Variants in HAUS5 observed in about 807,000 individuals in gnomAD.
HAUS5 encodes the protein HAUS augmin-like complex subunit 5.
A neutral mutation model predicts 94.1 loss-of-function variants in HAUS5; 67 were observed. That is an observed-to-expected ratio of 0.71 (90% confidence interval 0.58 to 0.87). The LOEUF is 0.87. Among genes scored for constraint, HAUS5 ranks in the 40% least tolerant of loss-of-function variants. HAUS5 has a pLI of 0.00. For synonymous variants in HAUS5, 339 were observed against 355.4 expected (o/e 0.95, Z 0.52); for missense variants, 739 against 825.6 (o/e 0.90, Z 1.29).
rs377713329 is a variant in HAUS5 at position 35,615,278 on chromosome 19, C to A, written c.377C>A (p.Ala126Asp). The change falls in exon 6 of 19, where the codon GCT becomes GAT. Residue 126 changes from alanine to aspartate, a missense_variant. By Grantham distance (126) the Ala-to-Asp change is moderately radical. Transcript: ENST00000203166. ...RQHTQDTQRR[A>D]LLLRAQAGAM... ...CACACTCAAGACACCCAGCGTCGAG[C>A]TCTCCTCCTCCGGGCCCAAGCTGGG... 1.8e-5 allele frequency: 29 copies of A among 1,613,944 alleles called. No homozygotes were observed. Among genetic ancestry groups the A allele is most frequent in the Non-Finnish European group, 2.4e-5 (28 of 1,180,020 alleles).
chr19:35,620,390 G>C, intron 17 of HAUS5, 63 bp downstream of exon 17: 1 of 1,505,640 alleles, frequency 6.6e-7, no homozygotes, highest in Non-Finnish European at 9.1e-7. Flanking sequence ...CAGCCTCCAC[G>C]AGTCCTTACC....
Position 35,618,133 on chromosome 19 carries a change from G to T in HAUS5, c.759G>T (p.Glu253Asp). 6.2e-7 allele frequency: 1 copy of T among 1,610,224 alleles called. No individual in the cohort carries two copies. The highest frequency in any genetic ancestry group is 1.1e-5 in the South Asian group (1 of 90,790). Residue 253 changes from glutamate to aspartate, a missense_variant, in exon 10 of 19, where the codon GAG (glutamate) becomes GAT (aspartate). Transcript: ENST00000203166. ...VLAALEHLAA[E>D]REAEIRSLCS... The stretch of plus-strand genomic sequence containing the variant: ...CTGCCTTGGAGCACCTGGCTGCAGA[G>T]CGGGAGGCAGAGATTCGGTCCCTGT...
chr19:35,619,942 C>T (rs944476799), intron 15 of HAUS5, 70 bp from the exon 16 acceptor site: 6 of 1,556,692 alleles, frequency 3.9e-6, no homozygotes, highest in Non-Finnish European at 4.4e-6. Flanking sequence ...AGTTCCTGGG[C>T]CCCCAGAGCC....
chr19:35,618,001 C>G, intron 9 of HAUS5, 70 bp from the exon 10 acceptor site: 1 of 1,601,656 alleles, frequency 6.2e-7, no homozygotes, highest in Non-Finnish European at 8.5e-7. Flanking sequence ...GATGACAGCC[C>G]TATTCCCATG....
Position 35,619,754 on chromosome 19 carries a change from G to A in HAUS5, c.1402G>A (p.Gly468Arg), listed in dbSNP as rs372976428. The change falls in exon 15 of 19, where the codon GGA (glycine) becomes AGA (arginine). Residue 468 changes from glycine to arginine, a missense_variant. Transcript: ENST00000203166. ...LLGTLLRHRPGELKPLPTVLP... is the reference protein window; with the variant it reads ...LLGTLLRHRPRELKPLPTVLP... ...GGGCACGCTGCTGCGGCACAGGCCG[G>A]GAGAGTGAGACTGGGGCTGCCCCAC... 1.4e-5 allele frequency: 21 copies of A among 1,549,320 alleles called. No homozygotes were observed. The highest frequency in any genetic ancestry group is 8.7e-7 in the Non-Finnish European group (1 of 1,146,824).
At chr19:35,618,819 C>A in intron 12 of HAUS5, 68 bp from the exon 13 acceptor site, 1 of 1,533,452 alleles carries the variant, frequency 6.5e-7, no homozygotes, top group South Asian at 1.2e-5. Context: ...GTGTCTCTCC[C>A]TGGTTTATGG....
intron 6 of HAUS5, 151 bp from the exon 7 acceptor site, chr19:35,616,973 G>A (rs1429238620): frequency 3.1e-6 from 2 of 638,476 alleles, no homozygotes; most frequent in African/African-American, 3.6e-5. Flanking sequence ...CAATATTCCA[G>A]CTGGGAGGTG....
At chr19:35,619,380 T>C in intron 13 of HAUS5, 44 bp from the exon 14 acceptor site, 1 of 1,463,626 alleles carries the variant, frequency 6.8e-7, no homozygotes, top group Non-Finnish European at 9.3e-7. Flanking sequence ...ACACTGAGGC[T>C]GGGAGCTGGG....
At chr19:35,622,570 C>CA (rs1039892270) in intron 17 of HAUS5, 31 bp from the exon 18 acceptor site, 4 of 1,609,336 alleles carry the variant, frequency 2.5e-6, no homozygotes, top group Non-Finnish European at 3.4e-6. Context: ...CCAGAGGACT[C>CA]AAAGCTGCCT....
chr19:35,618,699 G>T lies in HAUS5; in HGVS notation c.1016G>T (p.Arg339Met), dbSNP rs758178798. ...AGACGCGTCCTGGGATCCAGTGAGA[G>T]GTGGGGGGCTCTCCGAGAAGAGGTC... ...VERRVLGSSE[R>M]QVLILGLRRC... The change falls in exon 12 of 19, where the codon AGG (arginine) becomes ATG (methionine). Residue 339 changes from arginine to methionine, a missense_variant and splice_region_variant. Physicochemically the swap from Arg to Met is moderately conservative, Grantham distance 91 (BLOSUM62 -1). Transcript: ENST00000203166. 6.3e-7 allele frequency: 1 copy of T among 1,582,548 alleles called. No homozygotes were observed. The highest frequency in any genetic ancestry group is 1.1e-5 in the South Asian group (1 of 88,154).
chr19:35,617,176 C>T lies in HAUS5; in HGVS notation c.538C>T (p.Leu180=). 6.2e-7 allele frequency: 1 copy of T among 1,614,048 alleles called. No homozygotes were observed. The highest frequency in any genetic ancestry group is 1.1e-5 in the South Asian group (1 of 91,090). Residue 180 remains leucine, a synonymous_variant, in exon 7 of 19, where the codon CTG becomes TTG. Transcript: ENST00000203166. ...ATCCCTCACGTCGGCAGCTCTGGGCCTGGAGCCCGTGGTCCTGGTAAGAGT... is the reference window on the plus strand; with the variant it reads ...ATCCCTCACGTCGGCAGCTCTGGGCTTGGAGCCCGTGGTCCTGGTAAGAGT... ...FGSLTSAALG[L]EPVVLRDVRT...
intron 1 of HAUS5, 46 bp downstream of exon 1, chr19:35,612,938 G>T: frequency 7.8e-7 from 1 of 1,280,212 alleles, no homozygotes. Context: ...TGGAGATTGA[G>T]TCTCCGGGAG....
chr19:35,616,498 G>A (rs1460993030), intron 6 of HAUS5, among the ~76,000 whole-genome samples: 2 of 152,016 alleles, frequency 1.3e-5, no homozygotes, highest in African/African-American at 4.8e-5. Context: ...TTGTTATTCT[G>A]GGTTTGGTTT....
rs757044321 is a variant in HAUS5 at position 35,613,845 on chromosome 19, C to T, written c.162-23C>T. ...GCACAGGTGAGGCCCATAGTAACTC[C>T]TCTTTCTGCCTCTGCACTGTAGGAC... On this transcript the variant is annotated intron_variant, in intron 2 of 18. Transcript: ENST00000203166. 7 of 1,614,110 alleles carry T rather than the reference C, an allele frequency of 4.3e-6. 1 individual carries two copies. The highest frequency in any genetic ancestry group is 4.5e-5 in the East Asian group (2 of 44,876).
intron 1 of HAUS5, among the ~76,000 whole-genome samples, chr19:35,613,448 A>G (rs2071912513): frequency 6.6e-6 from 1 of 151,734 alleles, no homozygotes; most frequent in Non-Finnish European, 1.5e-5. Context: ...AGCCGGGTGT[A>G]GTGGTGCCTG....
intron 14 of HAUS5, 52 bp from the exon 15 acceptor site, chr19:35,619,561 G>A: frequency 1.2e-6 from 2 of 1,601,140 alleles, no homozygotes; most frequent in East Asian, 2.2e-5. Flanking sequence ...GGATGGGGCT[G>A]GGTGGACTTG....
At chr19:35,622,571 A>G in intron 17 of HAUS5, 30 bp from the exon 18 acceptor site, 1 of 1,610,022 alleles carries the variant, frequency 6.2e-7, no homozygotes, top group Middle Eastern at 1.7e-4. Flanking sequence ...CAGAGGACTC[A>G]AAGCTGCCTC....
At chr19:35,622,810 C>T in intron 18 of HAUS5, 66 bp from the exon 19 acceptor site, 1 of 1,607,584 alleles carries the variant, frequency 6.2e-7, no homozygotes, top group Non-Finnish European at 8.5e-7. Context: ...AAGGAGCAGG[C>T]CATGGTTTTG....
intron 15 of HAUS5, 43 bp downstream of exon 15, chr19:35,619,801 A>G (rs1317169119): frequency 2.0e-6 from 3 of 1,511,152 alleles, no homozygotes; most frequent in African/African-American, 2.8e-5. Context: ...ATCCCCTGCC[A>G]TGGGTGACTG....
Sources: gnomAD v4.1 joint callset for allele counts (sites outside exome capture counted in the v4.1 genomes callset) on GRCh38, gnomAD v4.1.1 for gene constraint, MANE v1.5 for transcripts, NCBI Gene and HGNC (gene_info 2026-07-23, HGNC 2026-07-21) for gene names.